The following DDX55 variants were observed in gnomAD, a reference collection of about 807,000 sequenced individuals.
DDX55 encodes the protein DEAD-box helicase 55.
A neutral mutation model predicts 69.2 loss-of-function variants in DDX55; 56 were observed. The ratio of observed to expected loss-of-function variants is 0.81; its 90% CI spans 0.65 to 1.01. The LOEUF is 1.01. Ranked by LOEUF, DDX55 falls within the 50% of genes least tolerant of loss-of-function variation. The pLI, the probability that DDX55 is intolerant of heterozygous loss-of-function variation, is 0.00. For synonymous variants in DDX55, 268 were observed against 273.1 expected (o/e 0.98, Z 0.18); for missense variants, 720 against 745.1 (o/e 0.97, Z 0.39).
At chr12:123,618,010 GT>G in intron 11 of DDX55, 138 bp downstream of exon 11, 1 of 705,746 alleles carries the variant, frequency 1.4e-6, no homozygotes. Context: ...GGGGGCCCTG[GT>G]GGGGTTTTTT....
At chr12:123,602,306 C>T (rs1192988960) in intron 1 of DDX55, 50 bp downstream of exon 1, 8 of 1,472,394 alleles carry the variant, frequency 5.4e-6, no homozygotes, top group African/African-American at 1.4e-5. Context: ...GGGCAGGCAC[C>T]CGCTGCATCG....
chr12:123,614,641 A>T (rs1954516095), intron 8 of DDX55, among the ~76,000 whole-genome samples: 1 of 152,130 alleles, frequency 6.6e-6, no homozygotes, highest in Admixed American at 6.5e-5. Flanking sequence ...TCTTTAGGGC[A>T]TATCTTTATT....
chr12:123,610,746 G>T (rs920856138), intron 7 of DDX55, among the ~76,000 whole-genome samples: 2 of 151,150 alleles, frequency 1.3e-5, no homozygotes, highest in African/African-American at 4.9e-5. Flanking sequence ...CGAATAGCTG[G>T]GACTACAGGC....
In DDX55 at chr12:123,620,430, G is replaced by GAACACAGCGAGACCCTCTCATTAAAAAC. The variant is rs1955047311; in HGVS notation, c.*295_*322dup. ...GCCCAGGAGTTCAAGACCAGCCTGG[G>GAACACAGCGAGACCCTCTCATTAAAAAC]AACACAGCGAGACCCTCTCATTAAA... On this transcript the variant is annotated 3_prime_UTR_variant, in exon 14 of 14. Transcript: ENST00000238146. 1 of 225,608 alleles carries GAACACAGCGAGACCCTCTCATTAAAAAC rather than the reference G, an allele frequency of 4.4e-6. No homozygotes were observed. The highest frequency in any genetic ancestry group is 8.7e-6 in the Non-Finnish European group (1 of 114,668). The allele number at this position is 225,608 out of a possible 1,614,324, so 14.0% of individuals were successfully genotyped here.
chr12:123,605,167 T>C (rs1242102073), intron 1 of DDX55: 2 of 153,378 alleles, frequency 1.3e-5, no homozygotes, highest in East Asian at 3.8e-4. Context: ...ACTGCAGGCA[T>C]GCACCACCAC....
In DDX55 at chr12:123,620,580, T is replaced by TTTTATATA. The variant is rs1491406627; in HGVS notation, c.*441_*442insTTATATAT. The stretch of plus-strand genomic sequence containing the variant: ...GGTCACATATAGACATATGTACATA[T>TTTTATATA]TATATATATATATATATATATATAT... On this transcript the variant is annotated 3_prime_UTR_variant, in exon 14 of 14. Transcript: ENST00000238146. 4 of 65,362 alleles carry TTTTATATA rather than the reference T, an allele frequency of 6.1e-5. No homozygotes were observed. Among genetic ancestry groups the TTTTATATA allele is most frequent in the South Asian group, 9.9e-4 (2 of 2,020 alleles). 4.0% of individuals were successfully genotyped at this position (65,362 alleles called of 1,614,324 possible). A position where few individuals can be genotyped will look rare whatever the true frequency, so the allele number is the denominator to read the frequency against.
chr12:123,605,193 A>T (rs114613914), intron 1 of DDX55: 1 of 153,664 alleles, frequency 6.5e-6, no homozygotes, highest in African/African-American at 2.4e-5. Flanking sequence ...CATAATTAAA[A>T]AAATTTTCTT....
chr12:123,605,757 T>C, intron 1 of DDX55, 174 bp from the exon 2 acceptor site: 1 of 837,806 alleles, frequency 1.2e-6, no homozygotes, highest in Non-Finnish European at 2.0e-6. Context: ...GCCGTCCACA[T>C]AGACACAGTT....
In DDX55 at chr12:123,619,437, G is replaced by T; in HGVS notation, c.1339G>T (p.Asp447Tyr). The change falls in exon 13 of 14, where the codon GAT becomes TAT. Residue 447 changes from aspartate (D) to tyrosine (Y), a missense_variant. Transcript: ENST00000238146. ...TGATCTTCTGATTGAATCAGATCTT[G>T]ATTTTGCCAGCCTTGCTCGAGGTTT... is the stretch of plus-strand genomic sequence containing the variant. ...CNLIFRLKDL[D>Y]FASLARGFAL... is the part of the protein sequence containing the mutation. 1 of 1,611,464 alleles carries T rather than the reference G, an allele frequency of 6.2e-7. No individual in the cohort carries two copies. The highest frequency in any genetic ancestry group is 1.1e-5 in the South Asian group (1 of 90,582).
At chr12:123,618,608 G>A (rs1477390017) in intron 11 of DDX55, 61 bp from the exon 12 acceptor site, 2 of 1,578,512 alleles carry the variant, frequency 1.3e-6, no homozygotes, top group Non-Finnish European at 1.7e-6. Context: ...TTGTGATGGG[G>A]AGCCCTGGGG....
In DDX55 at chr12:123,610,030, G is replaced by A. The variant is rs750156589; in HGVS notation, c.643G>A (p.Ala215Thr). Reference protein sequence around the residue: ...QTQEVENLVRAGLRNPVRVSV... With the variant: ...QTQEVENLVRTGLRNPVRVSV... ...GCAGGAAGTGGAGAACCTGGTGAGA[G>A]CGGGCCTCCGGAACCCTGTCCGGGT... The change falls in exon 7 of 14, where the codon GCG (alanine) becomes ACG (threonine). Residue 215 changes from alanine (A) to threonine (T), a missense_variant. Transcript: ENST00000238146. The A allele has an allele frequency of 1.2e-6, 2 of 1,614,186 alleles. No homozygotes were observed. The highest frequency in any genetic ancestry group is 1.7e-6 in the Non-Finnish European group (2 of 1,180,038).
At chr12:123,606,237 T>C (rs1953884284) in intron 3 of DDX55, 78 bp downstream of exon 3, 1 of 1,545,000 alleles carries the variant, frequency 6.5e-7, no homozygotes, top group Non-Finnish European at 8.7e-7. Context: ...GCTACAAATG[T>C]GAAAAAATAG....
chr12:123,618,956 T>C, intron 12 of DDX55, 119 bp downstream of exon 12: 1 of 1,417,064 alleles, frequency 7.1e-7, no homozygotes, highest in Non-Finnish European at 9.5e-7. Flanking sequence ...AGACACAGAA[T>C]AAACTGGCCA....
intron 3 of DDX55, among the ~76,000 whole-genome samples, chr12:123,606,627 G>C (rs976716197): frequency 1.5e-5 from 2 of 132,830 alleles, no homozygotes; most frequent in Non-Finnish European, 3.2e-5. Flanking sequence ...GTTTTGCTCT[G>C]TCACCCAGGC....
rs779588250 is a variant in DDX55 at position 123,615,188 on chromosome 12, C to G, written c.828C>G (p.Thr276=). 1 of 1,614,036 alleles carries G rather than the reference C, an allele frequency of 6.2e-7. No homozygotes were observed. The highest frequency in any genetic ancestry group is 1.7e-5 in the Admixed American group (1 of 60,024). ...KQEKHLVFFS[T]CACVEYYGKA... is the part of the protein sequence containing the mutation. The stretch of plus-strand genomic sequence containing the variant: ...AAGCCCTCTGTCCCTCTTGCAGCAC[C>G]TGTGCCTGTGTGGAATACTATGGGA... The change falls in exon 9 of 14, where the codon ACC becomes ACG. Residue 276 remains threonine (T), a synonymous_variant. Coordinates refer to ENST00000238146, the MANE Select transcript of DDX55 (RefSeq NM_020936.3).
At chr12:123,616,874 C>A in intron 10 of DDX55, 1 of 389,538 alleles carries the variant, frequency 2.6e-6, no homozygotes, top group East Asian at 5.8e-5. Flanking sequence ...TTATTTGAGG[C>A]TGGGCGCGGT....
In DDX55 at chr12:123,619,416, C is replaced by T; in HGVS notation, c.1334-16C>T. On this transcript the variant is annotated splice_polypyrimidine_tract_variant and intron_variant, in intron 12 of 13. Coordinates refer to ENST00000238146, the MANE Select transcript of DDX55 (RefSeq NM_020936.3). Reference sequence around the variant, plus strand: ...TCCTGTTGAGTGCGCTAACTCTGATCTTCTGATTGAATCAGATCTTGATTT... The same window carrying T: ...TCCTGTTGAGTGCGCTAACTCTGATTTTCTGATTGAATCAGATCTTGATTT... The T allele has an allele frequency of 6.2e-7, 1 of 1,604,290 alleles. No individual in the cohort carries two copies. Among genetic ancestry groups the T allele is most frequent in the Non-Finnish European group, 8.5e-7 (1 of 1,176,462 alleles).
Position 123,602,335 on chromosome 12 carries a change from G to C in DDX55, c.108+79G>C. The C allele has an allele frequency of 6.8e-6, 9 of 1,323,414 alleles. 1 individual carries two copies. The South Asian group carries it at 8.4e-5, about 12-fold the overall frequency. 82.0% of individuals were successfully genotyped at this position (1,323,414 alleles called of 1,614,324 possible). On this transcript the variant is annotated intron_variant, in intron 1 of 13. Coordinates refer to ENST00000238146, the MANE Select transcript of DDX55 (RefSeq NM_020936.3). Reference sequence around the variant, plus strand: ...TGCATCGGACCCACAGGAGGTGATCGGACAGATCTGAGCCCTGGGGCGCTC... The same window carrying C: ...TGCATCGGACCCACAGGAGGTGATCCGACAGATCTGAGCCCTGGGGCGCTC...
chr12:123,614,854 C>T (rs904450976), intron 8 of DDX55, among the ~76,000 whole-genome samples: 1 of 151,974 alleles, frequency 6.6e-6, no homozygotes, highest in Non-Finnish European at 1.5e-5. Flanking sequence ...GATGTCATTG[C>T]TTTTGTTCTG....
Sources: allele counts gnomAD v4.1 joint callset (sites outside exome capture counted in the v4.1 genomes callset), GRCh38; gene constraint gnomAD v4.1.1; transcripts MANE v1.5; gene names NCBI Gene and HGNC (gene_info 2026-07-23, HGNC 2026-07-21).